Variants in SV2B observed in about 807,000 individuals in gnomAD.
SV2B encodes solute carrier family 22 member B2.
In SV2B, 41 loss-of-function variants were observed where a neutral mutation model predicts 73.9. That is an observed-to-expected ratio of 0.56 (90% CI 0.43 to 0.72). SV2B has a LOEUF of 0.72. SV2B is among the 30% of genes least tolerant of loss of function. The pLI, the probability that SV2B is intolerant of heterozygous loss-of-function variation, is 0.00. For missense variants in SV2B, 764 were observed against 857.8 expected (o/e 0.89, Z 1.37); for synonymous variants, 314 against 314.2 (o/e 1.00, Z 0.01).
rs1208062660 is a variant in SV2B at position 91,253,950 on chromosome 15, G to A, written c.784+1430G>A. On this transcript the variant is annotated intron_variant, in intron 4 of 12. Coordinates refer to ENST00000394232, the MANE Select transcript of SV2B (RefSeq NM_001323032.3). The surrounding 1 kb of genome is among the most constrained non-coding windows in gnomAD (Gnocchi z 5.0). ...ATCAGAAACAGAAAAAATATGAAAA[G>A]GAATAGTGAAATAAAGAGTTGAAGA... 2.0e-5 allele frequency among the ~76,000 whole-genome samples: 3 copies of A among 152,120 alleles called. No homozygotes were observed. The highest frequency in any genetic ancestry group is 7.2e-5 in the African/African-American group (3 of 41,420).
rs1202092892 is a variant in SV2B at position 91,124,652 on chromosome 15, C to T, written c.-392+24289C>T. ...CTAAACAACAGAAATTTCTTTCTTT[C>T]AACAAAAATTTTTTTTTTTTTGAGA... On this transcript the variant is annotated intron_variant, in intron 1 of 12. Transcript: ENST00000394232. The surrounding 1 kb of genome is among the most constrained non-coding windows in gnomAD (Gnocchi z 4.6). 6.6e-6 allele frequency among the ~76,000 whole-genome samples: 1 copy of T among 151,874 alleles called. No homozygotes were observed. The highest frequency in any genetic ancestry group is 6.6e-5 in the Admixed American group (1 of 15,240).
chr15:91,278,112 G>A (rs62026635), intron 9 of SV2B, among the ~76,000 whole-genome samples: 16,320 of 152,180 alleles, frequency 0.11, 953 homozygotes, highest in Non-Finnish European at 0.12. Flanking sequence ...TAATATTTCA[G>A]TATTTGAGGA....
At position 91,234,509 on chromosome 15, in the gene SV2B, C is replaced by T. The variant is rs540478427; in HGVS notation, c.451+7795C>T. ...AAAGCAGAAATCAGAACAGTCTGAC[C>T]TATGTAGACCTGTGGTACTGGCTAG... On this transcript the variant is annotated intron_variant, in intron 2 of 12. Coordinates refer to ENST00000394232, the MANE Select transcript of SV2B (RefSeq NM_001323032.3). This position sits in a 1 kb window ranked among gnomAD's most constrained non-coding sequence, Gnocchi z 5.6. 3.3e-5 allele frequency among the ~76,000 whole-genome samples: 5 copies of T among 152,292 alleles called. No individual in the cohort carries two copies. The East Asian group carries it at 9.6e-4, about 29-fold the overall frequency.
chr15:91,230,258 A>T (rs1281318084), intron 2 of SV2B, among the ~76,000 whole-genome samples: 1 of 148,166 alleles, frequency 6.7e-6, no homozygotes, highest in African/African-American at 2.5e-5. Context: ...AAAAAAAAAA[A>T]AAAGAAAAGA....
At chr15:91,211,531 TCTCG>T (rs2045862866) in intron 1 of SV2B, among the ~76,000 whole-genome samples, 1 of 148,228 alleles carries the variant, frequency 6.7e-6, no homozygotes, top group Non-Finnish European at 1.5e-5. Flanking sequence ...TTTGTTGGAG[TCTCG>T]CTCTGTCGCC....
chr15:91,217,045 G>A lies in SV2B; in HGVS notation c.-391-8828G>A, dbSNP rs752845988. ...TGGGATTACAGGTGTGTGCCACCAC[G>A]CTCGGCTAATTAGTGGGGATGGGGT... On this transcript the variant is annotated intron_variant, in intron 1 of 12. Coordinates refer to ENST00000394232, the MANE Select transcript of SV2B (RefSeq NM_001323032.3). Among the ~76,000 whole-genome samples the A allele has an allele frequency of 2.6e-5, 4 of 151,760 alleles. No homozygotes were observed. The East Asian group carries it at 5.9e-4, about 22-fold the overall frequency.
chr15:91,292,058 C>A (rs1402420157), intron 12 of SV2B, among the ~76,000 whole-genome samples: 2 of 151,092 alleles, frequency 1.3e-5, no homozygotes, highest in African/African-American at 4.9e-5. Context: ...CCATAGTAAG[C>A]ATGTAGTACC....
intron 1 of SV2B, among the ~76,000 whole-genome samples, chr15:91,203,504 A>C (rs1321327778): frequency 2.0e-5 from 3 of 152,270 alleles, no homozygotes; most frequent in Non-Finnish European, 2.9e-5. Context: ...TAACAGCTTA[A>C]GCCTTTGTGA....
intron 1 of SV2B, among the ~76,000 whole-genome samples, chr15:91,107,402 T>C (rs1346344891): frequency 2.6e-5 from 4 of 151,994 alleles, no homozygotes; most frequent in Non-Finnish European, 5.9e-5. Flanking sequence ...AACCTCTGCC[T>C]CCCGGGTTCA....
Position 91,289,385 on chromosome 15 carries a change from G to T in SV2B, c.1709-136G>T. 9.1e-7 allele frequency: 1 copy of T among 1,093,566 alleles called. No individual in the cohort carries two copies. The allele number at this position is 1,093,566 out of a possible 1,614,324, so 67.7% of individuals were successfully genotyped here. A position where few individuals can be genotyped will look rare whatever the true frequency, so the allele number is the denominator to read the frequency against. ...CCAGCTGTGCTCTCTCTGTGTGGAG[G>T]GTGAACCTAATACTTCAGGCAGCCT... On this transcript the variant is annotated intron_variant, in intron 11 of 12. Transcript: ENST00000394232. This position sits in a 1 kb window ranked among gnomAD's most constrained non-coding sequence, Gnocchi z 4.9.
intron 1 of SV2B, among the ~76,000 whole-genome samples, chr15:91,189,524 GT>G (rs2044917960): frequency 6.6e-6 from 1 of 152,154 alleles, no homozygotes; most frequent in African/African-American, 2.4e-5. Flanking sequence ...AAAAATGTCA[GT>G]TTTCTCCAAA....
rs769309827 is a variant in SV2B, at chr15:91,252,033, C to T, written c.632+34C>T. On this transcript the variant is annotated intron_variant, in intron 3 of 12. Coordinates refer to ENST00000394232, the MANE Select transcript of SV2B (RefSeq NM_001323032.3). This position sits in a 1 kb window ranked among gnomAD's most constrained non-coding sequence, Gnocchi z 4.6. Reference sequence around the variant, plus strand: ...TTAGGGAGGTGGAGCTGGACCATCCCAGACCAATGGCCCATCCATTCTGGT... The same window carrying T: ...TTAGGGAGGTGGAGCTGGACCATCCTAGACCAATGGCCCATCCATTCTGGT... 1 of 1,607,368 alleles carries T rather than the reference C, an allele frequency of 6.2e-7. No homozygotes were observed. Among genetic ancestry groups the T allele is most frequent in the South Asian group, 1.1e-5 (1 of 90,138 alleles).
At chr15:91,249,905 C>A (rs2047415089) in intron 2 of SV2B, among the ~76,000 whole-genome samples, 1 of 152,228 alleles carries the variant, frequency 6.6e-6, no homozygotes, top group Non-Finnish European at 1.5e-5. Flanking sequence ...CTAGGACCTG[C>A]TGGCTTCACT....
At position 91,258,366 on chromosome 15, in the gene SV2B, C is replaced by A; in HGVS notation, c.785-55C>A. 1 of 1,601,752 alleles carries A rather than the reference C, an allele frequency of 6.2e-7. No individual in the cohort carries two copies. Among genetic ancestry groups the A allele is most frequent in the Non-Finnish European group, 8.5e-7 (1 of 1,174,316 alleles). On this transcript the variant is annotated intron_variant, in intron 4 of 12. Coordinates refer to ENST00000394232, the MANE Select transcript of SV2B (RefSeq NM_001323032.3). This position sits in a 1 kb window ranked among gnomAD's most constrained non-coding sequence, Gnocchi z 4.7. ...GAGCCAGGGCTTCAGAGTCACTCTTCCGTAGAGGAAAAGATCATGTCCCAG... is the reference window on the plus strand; with the variant it reads ...GAGCCAGGGCTTCAGAGTCACTCTTACGTAGAGGAAAAGATCATGTCCCAG...
At chr15:91,260,151 T>C (rs759927162) in intron 5 of SV2B, among the ~76,000 whole-genome samples, 169 bp from the exon 6 acceptor site, 4 of 152,206 alleles carry the variant, frequency 2.6e-5, no homozygotes, top group Non-Finnish European at 4.4e-5. Flanking sequence ...AAGCTTGTCC[T>C]GGTCTTTCAC....
chr15:91,170,764 T>C lies in SV2B; in HGVS notation c.-391-55109T>C, dbSNP rs150430739. Reference sequence around the variant, plus strand: ...AGGCAAGTACTTAATATTGTTCAAATGAATAAATGCTTCTACGGAAATTTT... The same window carrying C: ...AGGCAAGTACTTAATATTGTTCAAACGAATAAATGCTTCTACGGAAATTTT... On this transcript the variant is annotated intron_variant, in intron 1 of 12. Coordinates refer to ENST00000394232, the MANE Select transcript of SV2B (RefSeq NM_001323032.3). Among the ~76,000 whole-genome samples, 694 of 152,280 alleles carry C rather than the reference T, an allele frequency of 4.6e-3. 6 individuals are homozygous for C. The highest frequency in any genetic ancestry group is 0.017 in the Middle Eastern group (5 of 294).
intron 1 of SV2B, among the ~76,000 whole-genome samples, chr15:91,156,545 G>C (rs2141234088): frequency 6.6e-6 from 1 of 152,330 alleles, no homozygotes; most frequent in Non-Finnish European, 1.5e-5. Context: ...AGAAAGTCCA[G>C]CAGCCTGGGA....
rs553253380 is a variant in SV2B, at chr15:91,288,148, C to T, written c.1709-1373C>T. ...AAGTCAGATCTCTGGGGTGGGGATT[C>T]GGGTAAATGGGGAATAGCACCGCCT... On this transcript the variant is annotated intron_variant, in intron 11 of 12. Transcript: ENST00000394232. The surrounding 1 kb of genome is among the most constrained non-coding windows in gnomAD (Gnocchi z 5.8). Among the ~76,000 whole-genome samples, 3 of 152,206 alleles carry T rather than the reference C, an allele frequency of 2.0e-5. No individual in the cohort carries two copies. Among genetic ancestry groups the T allele is most frequent in the East Asian group, 1.9e-4 (1 of 5,174 alleles).
In SV2B at chr15:91,218,423, A is replaced by G. The variant is rs181284377; in HGVS notation, c.-391-7450A>G. Among the ~76,000 whole-genome samples the G allele has an allele frequency of 2.9e-3, 446 of 152,278 alleles. 1 individual carries two copies. Among genetic ancestry groups the G allele is most frequent in the Non-Finnish European group, 4.7e-3 (321 of 68,018 alleles). ...GCTTCAGGGGAGAAGGGGAAGGGGA[A>G]GGACAGAAAGCCCCTCCTGCTTCTG... On this transcript the variant is annotated intron_variant, in intron 1 of 12. Transcript: ENST00000394232.
Sources: gnomAD v4.1 joint callset for allele counts (sites outside exome capture counted in the v4.1 genomes callset) on GRCh38, gnomAD v4.1.1 for gene constraint, Gnocchi (gnomAD v3.1) non-coding constraint, MANE v1.5 for transcripts, NCBI Gene and HGNC (gene_info 2026-07-23, HGNC 2026-07-21) for gene names.